The following NRXN1 variants were observed in gnomAD, a reference collection of about 807,000 sequenced individuals.
The protein encoded by NRXN1 is neurexin-1.
Under a neutral mutation model 150.9 loss-of-function variants are expected in NRXN1, and 39 were observed. The observed-to-expected ratio is 0.26, with a 90% CI of 0.20 to 0.34. NRXN1 has a LOEUF of 0.34. Ranked by LOEUF, NRXN1 falls within the 10% of genes least tolerant of loss-of-function variation. NRXN1 has a pLI of 1.00. For synonymous variants in NRXN1, 924 were observed against 757.0 expected, an observed-to-expected ratio of 1.22 and a Z score of -3.62; for missense variants, 1,815 against 1,949.9, an observed-to-expected ratio of 0.93 and a Z score of 1.30.
intron 18 of NRXN1, among the ~76,000 whole-genome samples, chr2:50,192,029 A>C (rs557847610): frequency 1.3e-5 from 2 of 152,176 alleles, no homozygotes; most frequent in South Asian, 2.1e-4. Flanking sequence ...GTTTTTTTTT[A>C]AGTCCTAAAA....
intron 5 of NRXN1, among the ~76,000 whole-genome samples, chr2:50,760,902 C>G (rs1701730547): frequency 6.6e-6 from 1 of 151,896 alleles, no homozygotes; most frequent in African/African-American, 2.4e-5. Flanking sequence ...GTTTGTGCCT[C>G]AGCTCAGGAG....
intron 17 of NRXN1, among the ~76,000 whole-genome samples, chr2:50,429,680 T>C (rs975059819): frequency 2.6e-5 from 4 of 152,120 alleles, no homozygotes; most frequent in Non-Finnish European, 5.9e-5. Context: ...AAAATCCTAC[T>C]GAAGAACAAA....
At chr2:50,825,525 C>CA (rs1370185228) in intron 5 of NRXN1, among the ~76,000 whole-genome samples, 1 of 152,214 alleles carries the variant, frequency 6.6e-6, no homozygotes, top group Non-Finnish European at 1.5e-5. Flanking sequence ...GGACTGGAGT[C>CA]AGGGAGCTTC....
chr2:50,756,422 A>G (rs897162046), intron 5 of NRXN1, among the ~76,000 whole-genome samples: 8 of 151,774 alleles, frequency 5.3e-5, no homozygotes, highest in Non-Finnish European at 1.0e-4. Context: ...AGAATGACAA[A>G]GAAACCACTA....
chr2:50,945,743 C>T (rs34336327), intron 2 of NRXN1, among the ~76,000 whole-genome samples: 37,603 of 150,808 alleles, frequency 0.25, 5,417 homozygotes, highest in Non-Finnish European at 0.33. Flanking sequence ...GATGTGAAAA[C>T]CTGACAAGTT....
At chr2:50,856,579 G>A (rs1413264369) in intron 5 of NRXN1, among the ~76,000 whole-genome samples, 4 of 151,938 alleles carry the variant, frequency 2.6e-5, no homozygotes, top group Non-Finnish European at 4.4e-5. Flanking sequence ...TTATCATTCA[G>A]ACCAAACCTA....
intron 21 of NRXN1, among the ~76,000 whole-genome samples, chr2:49,976,635 T>C (rs1379683548): frequency 6.6e-6 from 1 of 151,966 alleles, no homozygotes; most frequent in African/African-American, 2.4e-5. Context: ...AAGAAAATAG[T>C]GTAGGTGTGG....
chr2:50,584,002 A>G (rs1247690057), intron 8 of NRXN1, among the ~76,000 whole-genome samples: 1 of 152,168 alleles, frequency 6.6e-6, no homozygotes, highest in Non-Finnish European at 1.5e-5. Context: ...ACAACCATGG[A>G]ATTGACAAGA....
At chr2:50,082,259 A>C (rs1698081968) in intron 19 of NRXN1, among the ~76,000 whole-genome samples, 1 of 152,228 alleles carries the variant, frequency 6.6e-6, no homozygotes, top group Non-Finnish European at 1.5e-5. Flanking sequence ...ATCTCAGCCA[A>C]TATCTTTAGC....
chr2:50,779,584 T>C (rs1260171558), intron 5 of NRXN1, among the ~76,000 whole-genome samples: 2 of 151,968 alleles, frequency 1.3e-5, no homozygotes, highest in South Asian at 2.1e-4. Flanking sequence ...CTGGTTAACA[T>C]GGTGAAACCC....
chr2:50,048,946 T>C (rs1692262212), intron 21 of NRXN1, among the ~76,000 whole-genome samples: 2 of 152,082 alleles, frequency 1.3e-5, no homozygotes, highest in South Asian at 4.1e-4. Flanking sequence ...AATTTTATTC[T>C]CTCTCTTTTC....
intron 5 of NRXN1, among the ~76,000 whole-genome samples, chr2:50,899,692 G>A (rs959124429): frequency 6.6e-5 from 10 of 152,132 alleles, no homozygotes; most frequent in African/African-American, 2.4e-4. Flanking sequence ...AAGACAAGCA[G>A]GGAAATGTGA....
At chr2:50,033,081 T>C (rs968394358) in intron 21 of NRXN1, among the ~76,000 whole-genome samples, 3 of 151,930 alleles carry the variant, frequency 2.0e-5, no homozygotes, top group Non-Finnish European at 4.4e-5. Context: ...TATTTGTCTC[T>C]ATTAACTAAA....
intron 15 of NRXN1, among the ~76,000 whole-genome samples, chr2:50,486,802 A>G (rs2090906493): frequency 6.6e-6 from 1 of 152,116 alleles, no homozygotes; most frequent in African/African-American, 2.4e-5. Context: ...AGTTATGGGA[A>G]ATTGGCCTAA....
At chr2:50,666,044 C>A (rs1223237543) in intron 5 of NRXN1, among the ~76,000 whole-genome samples, 1 of 151,892 alleles carries the variant, frequency 6.6e-6, no homozygotes, top group Non-Finnish European at 1.5e-5. Flanking sequence ...TCTTTGTAAC[C>A]TCTTGTTCCC....
intron 22 of NRXN1, among the ~76,000 whole-genome samples, chr2:49,939,018 A>G (rs1039795116): frequency 2.0e-5 from 3 of 152,230 alleles, no homozygotes; most frequent in African/African-American, 7.2e-5. Context: ...AAGACATTTT[A>G]TAAAAACTTA....
chr2:50,765,583 A>G (rs1702291410), intron 5 of NRXN1, among the ~76,000 whole-genome samples: 1 of 152,036 alleles, frequency 6.6e-6, no homozygotes, highest in African/African-American at 2.4e-5. Context: ...GGGAAACTGA[A>G]GAGAGTGCAC....
intron 17 of NRXN1, among the ~76,000 whole-genome samples, chr2:50,340,137 G>T (rs141031948): frequency 1.0e-3 from 156 of 152,270 alleles, no homozygotes; most frequent in African/African-American, 3.4e-3. Context: ...ATGATCATAA[G>T]CCCTGCCGTG....
At chr2:50,554,801 T>G (rs528455162) in intron 8 of NRXN1, among the ~76,000 whole-genome samples, 1 of 152,298 alleles carries the variant, frequency 6.6e-6, no homozygotes, top group African/African-American at 2.4e-5. Context: ...GTGTTTCAGT[T>G]TACCTTTATC....
Sources: gnomAD v4.1 joint callset for allele counts (sites outside exome capture counted in the v4.1 genomes callset) on GRCh38, gnomAD v4.1.1 for gene constraint, MANE v1.5 for transcripts, NCBI Gene and HGNC (gene_info 2026-07-23, HGNC 2026-07-21) for gene names.